Variants in HCRTR1 observed in about 807,000 individuals in gnomAD.
HCRTR1 encodes orexin/Hypocretin receptor type 1.
HCRTR1 carries 28 observed loss-of-function variants against 40.6 expected under a neutral mutation model. The ratio of observed to expected loss-of-function variants is 0.69; its 90% CI spans 0.51 to 0.95. The LOEUF (loss-of-function observed/expected upper bound fraction) is 0.95. Among genes scored for constraint, HCRTR1 ranks in the 40% least tolerant of loss-of-function variants. The pLI, the probability that HCRTR1 is intolerant of heterozygous loss-of-function variation, is 0.00. For synonymous variants in HCRTR1, 209 were observed against 230.0 expected (o/e 0.91, Z 0.83); for missense variants, 482 against 564.7 (o/e 0.85, Z 1.48).
intron 7 of HCRTR1, among the ~76,000 whole-genome samples, chr1:31,624,448 C>CAAAAAAAAAAAA (rs11438872): frequency 7.2e-5 from 8 of 111,038 alleles, no homozygotes; most frequent in African/African-American, 2.0e-4. Context: ...ACAGCTGTCT[C>CAAAAAAAAAAAA]AAAAAAAAAA....
downstream of HCRTR1, among the ~76,000 whole-genome samples, chr1:31,629,025 A>C (rs1640030236): frequency 1.3e-5 from 2 of 152,222 alleles, no homozygotes; most frequent in Non-Finnish European, 2.9e-5. Context: ...TCATGGAGGA[A>C]ATGGGCTGCC....
chr1:31,633,306 G>C, downstream of HCRTR1: 1 of 1,611,398 alleles, frequency 6.2e-7, no homozygotes. Flanking sequence ...ACATTGGGAG[G>C]GGCGCCACCT....
At position 31,627,077 on chromosome 1, in the gene HCRTR1, G is replaced by T. The variant is rs1639995565; in HGVS notation, c.*97G>T. On this transcript the variant is annotated 3_prime_UTR_variant, in exon 9 of 9. Coordinates refer to ENST00000403528, the MANE Select transcript of HCRTR1 (RefSeq NM_001525.3). Reference sequence around the variant, plus strand: ...GTGAAAGGCTGTGGCTTCAGTCCTGGGTTTCTGCCTGTGTGACTCTGGATA... The same window carrying T: ...GTGAAAGGCTGTGGCTTCAGTCCTGTGTTTCTGCCTGTGTGACTCTGGATA... 6.6e-7 allele frequency: 1 copy of T among 1,513,996 alleles called. No homozygotes were observed. Among genetic ancestry groups the T allele is most frequent in the African/African-American group, 1.4e-5 (1 of 72,650 alleles). 93.8% of individuals were successfully genotyped at this position (1,513,996 alleles called of 1,614,324 possible).
At chr1:31,621,230 C>G in intron 5 of HCRTR1, 144 bp downstream of exon 5, 4 of 1,186,686 alleles carry the variant, frequency 3.4e-6, no homozygotes, top group Non-Finnish European at 4.6e-6. Flanking sequence ...TAGACTGGCT[C>G]CTACCAGGGA....
At chr1:31,619,821 CT>C in intron 4 of HCRTR1, 111 bp downstream of exon 4, 1 of 965,270 alleles carries the variant, frequency 1.0e-6, no homozygotes, top group Non-Finnish European at 1.5e-6. Flanking sequence ...AGGTCAGTGG[CT>C]CATGACCCCT....
chr1:31,623,296 C>A (rs1639898785), intron 6 of HCRTR1, among the ~76,000 whole-genome samples: 1 of 133,276 alleles, frequency 7.5e-6, no homozygotes, highest in African/African-American at 2.8e-5. Flanking sequence ...AATGCCATCT[C>A]AAAAAAAAAA....
At position 31,621,588 on chromosome 1, in the gene HCRTR1, G is replaced by T; in HGVS notation, c.734G>T (p.Arg245Leu). Residue 245 changes from arginine to leucine, a missense_variant, in exon 6 of 9, where the codon CGC (arginine) becomes CTC (leucine). Transcript: ENST00000403528. ...CAGATATTCCGCAAGCTCTGGGGCC[G>T]CCAGGTGAGGCCCACTCTGGGCAGG... Reference protein sequence around the residue: ...YFQIFRKLWGRQIPGTTSALV... With the variant: ...YFQIFRKLWGLQIPGTTSALV... 6.2e-7 allele frequency: 1 copy of T among 1,606,458 alleles called. No individual in the cohort carries two copies. Among genetic ancestry groups the T allele is most frequent in the South Asian group, 1.1e-5 (1 of 90,966 alleles).
chr1:31,628,485 G>A (rs1640021195), downstream of HCRTR1, among the ~76,000 whole-genome samples: 1 of 152,228 alleles, frequency 6.6e-6, no homozygotes, highest in South Asian at 2.1e-4. Flanking sequence ...TAGGCTTGGA[G>A]GTGAGTGTGC....
rs774163071 is a variant in HCRTR1, at chr1:31,623,505, T to C, written c.739-18T>C. The C allele has an allele frequency of 8.7e-6, 14 of 1,603,102 alleles. No individual in the cohort carries two copies. Among genetic ancestry groups the C allele is most frequent in the Non-Finnish European group, 1.2e-5 (14 of 1,173,922 alleles). On this transcript the variant is annotated intron_variant, in intron 6 of 8. Transcript: ENST00000403528. ...AGGTGCTGTACCCACCACTGCTGTC[T>C]CTATGTGTGCTGGACAGATCCCCGG...
At chr1:31,623,478 C>T (rs1273202645) in intron 6 of HCRTR1, 45 bp from the exon 7 acceptor site, 7 of 1,533,012 alleles carry the variant, frequency 4.6e-6, no homozygotes, top group Admixed American at 1.9e-5. Flanking sequence ...ACCACCCTCC[C>T]AAGGTGCTGT....
intron 6 of HCRTR1, among the ~76,000 whole-genome samples, chr1:31,622,401 G>A (rs1048580058): frequency 7.9e-5 from 12 of 151,894 alleles, no homozygotes; most frequent in South Asian, 2.1e-4. Context: ...GCCGGGCAGC[G>A]GATGGGGACA....
intron 4 of HCRTR1, 32 bp from the exon 5 acceptor site, chr1:31,620,810 CA>C: frequency 6.2e-7 from 1 of 1,600,428 alleles, no homozygotes. Flanking sequence ...GGGTGGCCCC[CA>C]AAATGACCGA....
At chr1:31,632,359 G>T, downstream of HCRTR1, 1 of 1,437,400 alleles carries the variant, frequency 7.0e-7, no homozygotes. Context: ...GAGGGATGCA[G>T]GCCTGCACTG....
chr1:31,621,798 C>T (rs1000869305), intron 6 of HCRTR1, among the ~76,000 whole-genome samples: 1 of 152,246 alleles, frequency 6.6e-6, no homozygotes, highest in Admixed American at 6.5e-5. Flanking sequence ...ACACGTCCTT[C>T]TATTAGTGGT....
chr1:31,627,299 G>A lies in HCRTR1; in HGVS notation c.*319G>A. The A allele has an allele frequency of 7.4e-7, 1 of 1,356,532 alleles. No homozygotes were observed. The highest frequency in any genetic ancestry group is 9.7e-7 in the Non-Finnish European group (1 of 1,034,090). 84.0% of individuals were successfully genotyped at this position (1,356,532 alleles called of 1,614,324 possible). On this transcript the variant is annotated 3_prime_UTR_variant, in exon 9 of 9. Transcript: ENST00000403528. ...TCCAGAGCTTGGTCATCCTCCTAAA[G>A]ACCCCTTTCCTACCCAATTACAGGC...
In HCRTR1 at chr1:31,626,957, A is replaced by G; in HGVS notation, c.1255A>G (p.Ser419Gly). ...SKISEHVVLT[S>G]VTTVLP The stretch of plus-strand genomic sequence containing the variant: ...AATCTCTGAGCATGTGGTGCTCACC[A>G]GCGTCACCACAGTGCTGCCCTGAGC... Residue 419 changes from serine to glycine, a missense_variant, in exon 9 of 9, where the codon AGC becomes GGC. Physicochemically the swap from Ser to Gly is moderately conservative, Grantham distance 56 (BLOSUM62 0). Transcript: ENST00000403528. The surrounding 1 kb of genome is among the most constrained non-coding windows in gnomAD (Gnocchi z 4.6). 1 of 1,612,898 alleles carries G rather than the reference A, an allele frequency of 6.2e-7. No homozygotes were observed. Among genetic ancestry groups the G allele is most frequent in the Non-Finnish European group, 8.5e-7 (1 of 1,179,908 alleles).
chr1:31,630,254 C>T (rs564190386), downstream of HCRTR1: 58 of 308,946 alleles, frequency 1.9e-4, no homozygotes, highest in East Asian at 3.4e-3. Flanking sequence ...CTAACGGTAA[C>T]AGGCCGATGA....
intron 6 of HCRTR1, among the ~76,000 whole-genome samples, chr1:31,623,264 C>A (rs182984452): frequency 6.7e-6 from 1 of 148,210 alleles, no homozygotes; most frequent in East Asian, 2.0e-4. Flanking sequence ...CCATTGCACT[C>A]CAGCTTAGGT....
chr1:31,633,728 G>A (rs1316521366), downstream of HCRTR1, among the ~76,000 whole-genome samples: 5 of 152,182 alleles, frequency 3.3e-5, no homozygotes, highest in African/African-American at 1.2e-4. Context: ...AGCCGAGGCA[G>A]GCGGATCACC....
Sources: gnomAD v4.1 joint callset for allele counts (sites outside exome capture counted in the v4.1 genomes callset) on GRCh38, gnomAD v4.1.1 for gene constraint, Gnocchi (gnomAD v3.1) non-coding constraint, MANE v1.5 for transcripts, NCBI Gene and HGNC (gene_info 2026-07-23, HGNC 2026-07-21) for gene names.